METTL24: variants seen among roughly 807,000 people sequenced by gnomAD.
METTL24 encodes methyltransferase like 24.
A neutral mutation model predicts 32.7 loss-of-function variants in METTL24; 29 were observed. That is an observed-to-expected ratio of 0.89 (90% CI 0.66 to 1.21). The LOEUF (loss-of-function observed/expected upper bound fraction) is 1.21, where lower values mean the gene tolerates loss of function less well. Ranked by LOEUF, METTL24 falls within the 50% of genes most tolerant of loss-of-function variation. The pLI is 0.00. For missense variants in METTL24, 439 were observed against 468.1 expected, an observed-to-expected ratio of 0.94 and a Z score of 0.57; for synonymous variants, 163 against 179.5, an observed-to-expected ratio of 0.91 and a Z score of 0.73.
intron 1 of METTL24, among the ~76,000 whole-genome samples, chr6:110,334,441 G>A (rs575460658): frequency 6.6e-6 from 1 of 152,206 alleles, no homozygotes; most frequent in East Asian, 1.9e-4. Context: ...CTGACAAGGG[G>A]ACAGAGGCCA....
In METTL24 at chr6:110,255,996, AT is replaced by A. The variant is rs963921144; in HGVS notation, c.787-9737del. On this transcript the variant is annotated intron_variant, in intron 4 of 4. Transcript: ENST00000338882. The stretch of plus-strand genomic sequence containing the variant: ...GGGACACAAAACAAACGCATTTGGT[AT>A]TTAGTTTTTGCTTGTGTTTTAAGCA... Among the ~76,000 whole-genome samples the A allele has an allele frequency of 2.4e-4, 37 of 152,172 alleles. 1 individual carries two copies. Among genetic ancestry groups the A allele is most frequent in the African/African-American group, 8.9e-4 (37 of 41,440 alleles).
chr6:110,333,334 C>G (rs1400197007), intron 1 of METTL24, among the ~76,000 whole-genome samples: 1 of 152,152 alleles, frequency 6.6e-6, no homozygotes, highest in African/African-American at 2.4e-5. Flanking sequence ...ATAAAAGCCA[C>G]CAGTTTGCTC....
At chr6:110,316,199 G>A (rs1771816916) in intron 2 of METTL24, among the ~76,000 whole-genome samples, 1 of 152,188 alleles carries the variant, frequency 6.6e-6, no homozygotes, top group Non-Finnish European at 1.5e-5. Context: ...GCTAACAGAA[G>A]CACTTTTCTT....
chr6:110,319,418 G>GAGATACATAGAT (rs1771888753), intron 2 of METTL24, among the ~76,000 whole-genome samples: 1 of 148,634 alleles, frequency 6.7e-6, no homozygotes, highest in Non-Finnish European at 1.5e-5. Flanking sequence ...TAGAGAGGTA[G>GAGATACATAGAT]AGATAGATAG....
chr6:110,290,708 T>C (rs1360850631), intron 4 of METTL24, among the ~76,000 whole-genome samples: 1 of 152,192 alleles, frequency 6.6e-6, no homozygotes, highest in Admixed American at 6.5e-5. Flanking sequence ...TGCAGACATA[T>C]GTTTTCAGTT....
intron 4 of METTL24, among the ~76,000 whole-genome samples, chr6:110,284,983 A>G (rs1020915093): frequency 6.6e-6 from 1 of 152,270 alleles, no homozygotes; most frequent in Admixed American, 6.5e-5. Flanking sequence ...CCTCTGGGGC[A>G]TAGTGTTATG....
chr6:110,314,232 C>A (rs9487370), intron 3 of METTL24, among the ~76,000 whole-genome samples: 2 of 151,994 alleles, frequency 1.3e-5, no homozygotes, highest in African/African-American at 4.8e-5. Context: ...GGGTCCCCAG[C>A]ACTGTTTGTA....
intron 4 of METTL24, 62 bp downstream of exon 4, chr6:110,298,860 T>C (rs564948341): frequency 6.8e-7 from 1 of 1,477,034 alleles, no homozygotes; most frequent in South Asian, 1.2e-5. Context: ...TTGGTTTGCA[T>C]TTTAAAAAGC....
chr6:110,313,168 G>C (rs1771756409), intron 3 of METTL24, among the ~76,000 whole-genome samples: 1 of 152,118 alleles, frequency 6.6e-6, no homozygotes, highest in African/African-American at 2.4e-5. Flanking sequence ...AGCAGAGTAG[G>C]GTGACTACCT....
intron 4 of METTL24, among the ~76,000 whole-genome samples, chr6:110,259,180 C>T (rs560916934): frequency 1.4e-4 from 21 of 152,174 alleles, no homozygotes; most frequent in African/African-American, 3.4e-4. Context: ...TCGCCTCACC[C>T]GGGAAGCACA....
At chr6:110,291,291 C>T (rs950940583) in intron 4 of METTL24, among the ~76,000 whole-genome samples, 1 of 152,044 alleles carries the variant, frequency 6.6e-6, no homozygotes, top group Non-Finnish European at 1.5e-5. Context: ...TAAAGATTTT[C>T]TCCTATGTTT....
At chr6:110,317,946 G>T (rs1172913211) in intron 2 of METTL24, among the ~76,000 whole-genome samples, 1 of 152,098 alleles carries the variant, frequency 6.6e-6, no homozygotes, top group African/African-American at 2.4e-5. Flanking sequence ...GAGTTTACTG[G>T]AGGCCTTTTG....
At chr6:110,325,893 C>T (rs1283963185) in intron 1 of METTL24, among the ~76,000 whole-genome samples, 1 of 152,166 alleles carries the variant, frequency 6.6e-6, no homozygotes, top group Non-Finnish European at 1.5e-5. Context: ...GGCTCTGGCC[C>T]GTTGTGCATT....
intron 4 of METTL24, among the ~76,000 whole-genome samples, chr6:110,273,864 C>T (rs970628578): frequency 7.2e-5 from 11 of 152,142 alleles, no homozygotes; most frequent in African/African-American, 2.7e-4. Flanking sequence ...TCACCAATCC[C>T]ACTACTGGGT....
At chr6:110,290,379 T>C (rs1771297946) in intron 4 of METTL24, among the ~76,000 whole-genome samples, 1 of 152,242 alleles carries the variant, frequency 6.6e-6, no homozygotes. Flanking sequence ...ATCTGATTTC[T>C]ATCACCATAG....
At chr6:110,291,116 A>G (rs1447684187) in intron 4 of METTL24, among the ~76,000 whole-genome samples, 1 of 152,136 alleles carries the variant, frequency 6.6e-6, no homozygotes, top group Admixed American at 6.6e-5. Flanking sequence ...CTTTTCTGAT[A>G]TATTTGTGAT....
chr6:110,334,234 A>G (rs745690666), intron 1 of METTL24, among the ~76,000 whole-genome samples: 47 of 152,156 alleles, frequency 3.1e-4, no homozygotes, highest in Non-Finnish European at 3.5e-4. Context: ...ATCAGTCTCA[A>G]CTTCACTCAA....
chr6:110,317,202 C>T (rs1771835859), intron 2 of METTL24, among the ~76,000 whole-genome samples: 1 of 152,194 alleles, frequency 6.6e-6, no homozygotes, highest in African/African-American at 2.4e-5. Context: ...TCTCCAACAA[C>T]TGTTTAAAGG....
At chr6:110,301,513 T>C (rs1296262252) in intron 3 of METTL24, among the ~76,000 whole-genome samples, 1 of 152,134 alleles carries the variant, frequency 6.6e-6, no homozygotes, top group East Asian at 1.9e-4. Context: ...TCTCTTACAC[T>C]GTCATCATGA....
Sources: gnomAD v4.1 joint callset for allele counts (sites outside exome capture counted in the v4.1 genomes callset) on GRCh38, gnomAD v4.1.1 for gene constraint, MANE v1.5 for transcripts, NCBI Gene and HGNC (gene_info 2026-07-23, HGNC 2026-07-21) for gene names.